NRG2: variants seen among roughly 807,000 people sequenced by gnomAD.
NRG2 encodes pro-neuregulin-2, membrane-bound isoform.
In NRG2, 27 loss-of-function variants were observed where a neutral mutation model predicts 73.9. That is an observed-to-expected ratio of 0.37 (90% CI 0.27 to 0.50). NRG2 has a LOEUF of 0.50. Among genes scored for constraint, NRG2 ranks in the 20% least tolerant of loss-of-function variants. The probability of loss-of-function intolerance (pLI) is 0.96; values close to 1 mark genes in which losing one functional copy is unlikely to be tolerated. For synonymous variants in NRG2, 532 were observed against 541.0 expected (o/e 0.98, Z 0.23); for missense variants, 1,126 against 1,210.1 (o/e 0.93, Z 1.03).
chr5:140,039,179 A>G (rs534895382), intron 1 of NRG2, among the ~76,000 whole-genome samples: 39 of 152,374 alleles, frequency 2.6e-4, no homozygotes, highest in Non-Finnish European at 4.1e-4. Flanking sequence ...TACTGCATCT[A>G]TTCAATAAGG....
intron 1 of NRG2, among the ~76,000 whole-genome samples, chr5:140,034,220 C>T (rs1761348081): frequency 6.6e-6 from 1 of 152,100 alleles, no homozygotes; most frequent in Non-Finnish European, 1.5e-5. Flanking sequence ...TTGGCCTGCC[C>T]AAGTGCTGGG....
chr5:139,998,912 T>C (rs1395256151), intron 1 of NRG2, among the ~76,000 whole-genome samples: 1 of 152,190 alleles, frequency 6.6e-6, no homozygotes, highest in Non-Finnish European at 1.5e-5. Flanking sequence ...TCCTAGATTA[T>C]AGCAGAAGAC....
chr5:139,898,389 C>A (rs1015235187), intron 1 of NRG2, among the ~76,000 whole-genome samples: 21 of 152,212 alleles, frequency 1.4e-4, no homozygotes, highest in African/African-American at 4.8e-4. Context: ...CCCTATAGGG[C>A]CAAGTCCTTT....
intron 1 of NRG2, among the ~76,000 whole-genome samples, chr5:140,025,993 A>AG (rs1284637421): frequency 6.6e-6 from 1 of 152,180 alleles, no homozygotes; most frequent in Non-Finnish European, 1.5e-5. Flanking sequence ...ATTCCGACTG[A>AG]GGGGATCAGA....
At chr5:139,987,240 C>T (rs1229034601) in intron 1 of NRG2, among the ~76,000 whole-genome samples, 1 of 151,174 alleles carries the variant, frequency 6.6e-6, no homozygotes, top group Admixed American at 6.6e-5. Flanking sequence ...ATTAGCCGAG[C>T]GTGGCGGTGA....
At chr5:139,979,953 A>C (rs764762224) in intron 1 of NRG2, among the ~76,000 whole-genome samples, 7 of 152,238 alleles carry the variant, frequency 4.6e-5, no homozygotes, top group Non-Finnish European at 1.0e-4. Flanking sequence ...ATAAGAGGCC[A>C]TGTGTGAAAA....
chr5:140,024,761 G>C (rs1423415088), intron 1 of NRG2, among the ~76,000 whole-genome samples: 1 of 152,162 alleles, frequency 6.6e-6, no homozygotes, highest in Non-Finnish European at 1.5e-5. Context: ...AGCGGCTCGG[G>C]TTTGAGACTC....
At chr5:139,925,013 C>T (rs939183948) in intron 1 of NRG2, among the ~76,000 whole-genome samples, 1 of 152,026 alleles carries the variant, frequency 6.6e-6, no homozygotes, top group African/African-American at 2.4e-5. Context: ...GTAGGACACA[C>T]GAAGCCTGGG....
intron 1 of NRG2, among the ~76,000 whole-genome samples, chr5:139,961,090 G>A (rs771418439): frequency 6.6e-6 from 1 of 152,240 alleles, no homozygotes. Context: ...TGCTATTACA[G>A]CTAATGACAG....
At chr5:140,038,227 C>T (rs10043355) in intron 1 of NRG2, among the ~76,000 whole-genome samples, 3,628 of 152,054 alleles carry the variant, frequency 0.024, 128 homozygotes, top group African/African-American at 0.078. Flanking sequence ...GATTAGGGGC[C>T]GAGAGGAAGT....
At chr5:139,965,342 A>G (rs939237344) in intron 1 of NRG2, among the ~76,000 whole-genome samples, 1 of 152,230 alleles carries the variant, frequency 6.6e-6, no homozygotes, top group Non-Finnish European at 1.5e-5. Context: ...CCAAAGCCTC[A>G]GGTTTTCCAA....
intron 1 of NRG2, among the ~76,000 whole-genome samples, chr5:139,964,375 C>CT (rs1315487854): frequency 6.6e-6 from 1 of 151,784 alleles, no homozygotes. Flanking sequence ...CACACACACA[C>CT]ACACACACAC....
chr5:140,027,885 T>TG (rs1760825709), intron 1 of NRG2, among the ~76,000 whole-genome samples: 3 of 152,080 alleles, frequency 2.0e-5, no homozygotes, highest in South Asian at 4.1e-4. Context: ...CTACATGTTA[T>TG]GGGAAAAAAA....
chr5:139,872,240 C>T (rs1263089509), intron 3 of NRG2, among the ~76,000 whole-genome samples: 3 of 152,146 alleles, frequency 2.0e-5, no homozygotes, highest in Admixed American at 6.5e-5. Flanking sequence ...GGGGAACAAA[C>T]GCAGGAGGCG....
At chr5:139,992,053 C>T (rs905492177) in intron 1 of NRG2, among the ~76,000 whole-genome samples, 8 of 152,102 alleles carry the variant, frequency 5.3e-5, no homozygotes, top group African/African-American at 1.9e-4. Flanking sequence ...ATAAAAAACG[C>T]TGTAGGTCAA....
chr5:139,848,745 CGGGGGAGGGGGGGTT>C, intron 9 of NRG2, 48 bp from the exon 10 acceptor site: 1 of 63,918 alleles, frequency 1.6e-5, no homozygotes, highest in Non-Finnish European at 1.9e-5. Context: ...CGGGCCGGCG[CGGGGGAGGGGGGGTT>C]GGGGGTGGGG....
At chr5:139,858,379 G>C (rs1723502048) in intron 5 of NRG2, among the ~76,000 whole-genome samples, 1 of 152,142 alleles carries the variant, frequency 6.6e-6, no homozygotes, top group Non-Finnish European at 1.5e-5. Flanking sequence ...CACCTCCTCA[G>C]ATAAATCTTC....
intron 5 of NRG2, among the ~76,000 whole-genome samples, chr5:139,858,208 G>T (rs1426489876): frequency 6.6e-6 from 1 of 152,116 alleles, no homozygotes; most frequent in Non-Finnish European, 1.5e-5. Context: ...CTCTCCCTGC[G>T]TTCACTGTGC....
chr5:139,959,909 C>A (rs1371941093), intron 1 of NRG2, among the ~76,000 whole-genome samples: 1 of 152,212 alleles, frequency 6.6e-6, no homozygotes, highest in Non-Finnish European at 1.5e-5. Flanking sequence ...ACCCTTCTCT[C>A]CCCAGTTCTT....
Sources: allele counts gnomAD v4.1 joint callset (sites outside exome capture counted in the v4.1 genomes callset), GRCh38; gene constraint gnomAD v4.1.1; transcripts MANE v1.5; gene names NCBI Gene and HGNC (gene_info 2026-07-23, HGNC 2026-07-21).